Variants in NRXN3 observed in about 807,000 individuals in gnomAD.
NRXN3 encodes neurexin III.
NRXN3 carries 32 observed loss-of-function variants against 137.6 expected under a neutral mutation model. That is an observed-to-expected ratio of 0.23 (90% confidence interval 0.18 to 0.31). The LOEUF (loss-of-function observed/expected upper bound fraction) is 0.31. NRXN3 is among the 10% of genes least tolerant of loss of function. NRXN3 has a pLI of 1.00. For synonymous variants in NRXN3, 798 were observed against 784.5 expected, an observed-to-expected ratio of 1.02 and a Z score of -0.29; for missense variants, 1,574 against 2,062.5, an observed-to-expected ratio of 0.76 and a Z score of 4.59.
Position 79,832,566 on chromosome 14 carries a change from C to T in NRXN3, c.4093+27376C>T, listed in dbSNP as rs759988843. On this transcript the variant is annotated intron_variant, in intron 20 of 20. Coordinates refer to ENST00000335750, the MANE Select transcript of NRXN3 (RefSeq NM_001330195.2). ...ATTGCCACAACTGGGAAGATGCTAA[C>T]GGCATCTAGTGGGTAGAGGTCAGGG... 6.6e-5 allele frequency among the ~76,000 whole-genome samples: 10 copies of T among 152,142 alleles called. 1 individual carries two copies. The highest frequency in any genetic ancestry group is 2.1e-4 in the South Asian group (1 of 4,830).
At chr14:79,198,767 C>T (rs555799703) in intron 15 of NRXN3, among the ~76,000 whole-genome samples, 41 of 152,326 alleles carry the variant, frequency 2.7e-4, no homozygotes, top group African/African-American at 9.1e-4. Flanking sequence ...GAGGAATCAT[C>T]TCCAGAGAAC....
chr14:79,386,547 A>G (rs1300255949), intron 15 of NRXN3, among the ~76,000 whole-genome samples: 6 of 152,300 alleles, frequency 3.9e-5, no homozygotes, highest in South Asian at 4.1e-4. Flanking sequence ...TATAGATTCA[A>G]TCTCATCCCC....
At chr14:79,053,679 G>A (rs1480272447) in intron 15 of NRXN3, among the ~76,000 whole-genome samples, 1 of 151,990 alleles carries the variant, frequency 6.6e-6, no homozygotes, top group Admixed American at 6.6e-5. Flanking sequence ...CAACACAACA[G>A]TGTCCCTAGC....
intron 15 of NRXN3, among the ~76,000 whole-genome samples, chr14:79,373,028 ACT>A (rs992613208): frequency 8.5e-5 from 13 of 152,144 alleles, no homozygotes; most frequent in Admixed American, 2.6e-4. Context: ...TCATTTCCTA[ACT>A]CTGTGAATCT....
Position 78,956,691 on chromosome 14 carries a change from A to T in NRXN3, c.2276-551A>T, listed in dbSNP as rs188760935. Among the ~76,000 whole-genome samples the T allele has an allele frequency of 2.0e-5, 3 of 152,290 alleles. No homozygotes were observed. In the East Asian group the frequency reaches 5.8e-4, roughly 29 times the overall value. On this transcript the variant is annotated intron_variant, in intron 10 of 20. Coordinates refer to ENST00000335750, the MANE Select transcript of NRXN3 (RefSeq NM_001330195.2). Reference sequence around the variant, plus strand: ...AAAACTTGACAGTATTACTATTGTAATGCTTACTATTGTGATTTCTATGGT... The same window carrying T: ...AAAACTTGACAGTATTACTATTGTATTGCTTACTATTGTGATTTCTATGGT...
At chr14:78,864,433 T>C (rs1480476822) in intron 10 of NRXN3, among the ~76,000 whole-genome samples, 3 of 152,164 alleles carry the variant, frequency 2.0e-5, no homozygotes, top group African/African-American at 7.2e-5. Flanking sequence ...ATCCAAAGTT[T>C]AGGGCAGAAA....
intron 15 of NRXN3, among the ~76,000 whole-genome samples, chr14:79,137,100 G>A (rs1274884955): frequency 6.6e-6 from 1 of 152,174 alleles, no homozygotes; most frequent in African/African-American, 2.4e-5. Context: ...AGATTCTTTT[G>A]TTTCTATATG....
intron 1 of NRXN3, among the ~76,000 whole-genome samples, chr14:78,205,198 G>A (rs2062063958): frequency 1.3e-5 from 2 of 152,236 alleles, no homozygotes; most frequent in Admixed American, 6.5e-5. Context: ...ATATCATTGC[G>A]AGGACTGATT....
At chr14:78,782,487 C>T (rs540816177) in intron 8 of NRXN3, among the ~76,000 whole-genome samples, 4 of 152,196 alleles carry the variant, frequency 2.6e-5, no homozygotes, top group South Asian at 2.1e-4. Context: ...GAGCTTTTGC[C>T]GAAAGCTTTT....
At chr14:78,878,308 C>T (rs2099118685) in intron 10 of NRXN3, among the ~76,000 whole-genome samples, 1 of 152,080 alleles carries the variant, frequency 6.6e-6, no homozygotes, top group Non-Finnish European at 1.5e-5. Context: ...TTTAAAAAGT[C>T]CAGAGGGCAC....
intron 10 of NRXN3, among the ~76,000 whole-genome samples, chr14:78,953,457 G>A (rs2099390809): frequency 6.6e-6 from 1 of 152,222 alleles, no homozygotes; most frequent in Admixed American, 6.5e-5. Flanking sequence ...CTTCTGTGAA[G>A]CAAAGCCTTA....
intron 15 of NRXN3, among the ~76,000 whole-genome samples, chr14:79,454,908 A>G (rs1303930152): frequency 6.6e-6 from 1 of 152,194 alleles, no homozygotes; most frequent in Non-Finnish European, 1.5e-5. Flanking sequence ...ATGTTTCTGA[A>G]ATCATATTTT....
At chr14:78,587,531 AT>A (rs1365302171) in intron 4 of NRXN3, among the ~76,000 whole-genome samples, 12 of 152,310 alleles carry the variant, frequency 7.9e-5, no homozygotes, top group African/African-American at 2.9e-4. Flanking sequence ...CTTCCAGGCG[AT>A]TCTGATTATG....
chr14:78,498,559 G>A (rs1006249828), intron 4 of NRXN3, among the ~76,000 whole-genome samples: 1 of 152,058 alleles, frequency 6.6e-6, no homozygotes, highest in African/African-American at 2.4e-5. Context: ...TTGGGGGTAG[G>A]GATAATAAAT....
At chr14:79,049,580 T>C (rs1568113737) in intron 15 of NRXN3, among the ~76,000 whole-genome samples, 1 of 152,216 alleles carries the variant, frequency 6.6e-6, no homozygotes, top group Non-Finnish European at 1.5e-5. Context: ...TCATGAATGC[T>C]CTTAATGGCA....
At chr14:79,129,120 A>G (rs935663190) in intron 15 of NRXN3, among the ~76,000 whole-genome samples, 1 of 152,106 alleles carries the variant, frequency 6.6e-6, no homozygotes, top group Non-Finnish European at 1.5e-5. Flanking sequence ...GATCCTTTCA[A>G]AAAACGAGCT....
chr14:79,770,543 G>C (rs969431225), intron 19 of NRXN3, among the ~76,000 whole-genome samples: 1 of 146,158 alleles, frequency 6.8e-6, no homozygotes, highest in Non-Finnish European at 1.5e-5. Context: ...ATAACGAAAT[G>C]AAGGCAGAAA....
chr14:78,899,352 A>C (rs781136591), intron 10 of NRXN3, among the ~76,000 whole-genome samples: 86 of 151,944 alleles, frequency 5.7e-4, no homozygotes, highest in Non-Finnish European at 9.3e-4. Flanking sequence ...AAGCCCAAGA[A>C]TTTGTTCCTC....
rs567861866 is a variant in NRXN3, at chr14:78,404,180, T to C, written c.757+106320T>C. 1.6e-3 allele frequency among the ~76,000 whole-genome samples: 248 copies of C among 150,452 alleles called. 2 individuals carry two copies. Among genetic ancestry groups the C allele is most frequent in the Non-Finnish European group, 3.2e-3 (218 of 67,792 alleles). On this transcript the variant is annotated intron_variant, in intron 4 of 20. Transcript: ENST00000335750. Reference sequence around the variant, plus strand: ...CCAGAACAGGGTCTTTGGCATGAGTTATAGCTGTGATGTTCCCTATTTTCC... The same window carrying C: ...CCAGAACAGGGTCTTTGGCATGAGTCATAGCTGTGATGTTCCCTATTTTCC...
Sources: gnomAD v4.1 joint callset for allele counts (sites outside exome capture counted in the v4.1 genomes callset) on GRCh38, gnomAD v4.1.1 for gene constraint, MANE v1.5 for transcripts, NCBI Gene and HGNC (gene_info 2026-07-23, HGNC 2026-07-21) for gene names.